The following MED12L variants were observed in gnomAD, a reference collection of about 807,000 sequenced individuals.
The protein encoded by MED12L is mediator complex subunit 12L, also known as mediator of RNA polymerase II transcription subunit 12-like protein.
In MED12L, 60 loss-of-function variants were observed where a neutral mutation model predicts 281.3. The ratio of observed to expected loss-of-function variants is 0.21; its 90% confidence interval spans 0.17 to 0.26. MED12L has a LOEUF of 0.26. Among genes scored for constraint, MED12L ranks in the 10% least tolerant of loss-of-function variants. The probability of loss-of-function intolerance (pLI) is 1.00; values close to 1 mark genes in which losing one functional copy is unlikely to be tolerated. For synonymous variants in MED12L, 974 were observed against 987.2 expected (o/e 0.99, Z 0.25); for missense variants, 2,146 against 2,680.9 (o/e 0.80, Z 4.41).
intron 43 of MED12L, among the ~76,000 whole-genome samples, chr3:151,429,674 C>T (rs1250880140): frequency 6.6e-6 from 1 of 152,140 alleles, no homozygotes. Context: ...TATATTGTGC[C>T]TCTCATCTGA....
intron 5 of MED12L, among the ~76,000 whole-genome samples, chr3:151,131,614 A>C (rs1028310962): frequency 6.6e-6 from 1 of 152,054 alleles, no homozygotes; most frequent in African/African-American, 2.4e-5. Flanking sequence ...CCCTCAAAAA[A>C]CAAACAAACA....
intron 16 of MED12L, among the ~76,000 whole-genome samples, chr3:151,282,348 G>C (rs1742926826): frequency 7.6e-6 from 1 of 132,054 alleles, no homozygotes; most frequent in South Asian, 2.5e-4. Flanking sequence ...ATATAATTTA[G>C]TTTTTTTTTG....
At chr3:151,375,510 A>G (rs1577489325) in intron 27 of MED12L, among the ~76,000 whole-genome samples, 1 of 152,162 alleles carries the variant, frequency 6.6e-6, no homozygotes, top group Admixed American at 6.6e-5. Context: ...AAATTACCCT[A>G]AGAAAATTAT....
intron 16 of MED12L, among the ~76,000 whole-genome samples, chr3:151,275,061 G>A (rs569349800): frequency 1.8e-4 from 27 of 152,282 alleles, no homozygotes; most frequent in South Asian, 1.5e-3. Context: ...CAACAGGTGA[G>A]TTCTTTCCAG....
At chr3:151,103,628 C>CA (rs1721651802) in intron 2 of MED12L, among the ~76,000 whole-genome samples, 1 of 152,160 alleles carries the variant, frequency 6.6e-6, no homozygotes, top group Non-Finnish European at 1.5e-5. Flanking sequence ...ATGGTGATAC[C>CA]ATTTTTAAAG....
At chr3:151,291,350 A>G (rs1744241445) in intron 16 of MED12L, among the ~76,000 whole-genome samples, 1 of 152,102 alleles carries the variant, frequency 6.6e-6, no homozygotes. Context: ...ACAAAATACT[A>G]TTATACAATT....
At chr3:151,216,470 G>A (rs1217264952) in intron 16 of MED12L, among the ~76,000 whole-genome samples, 2 of 152,192 alleles carry the variant, frequency 1.3e-5, no homozygotes. Flanking sequence ...GTACATCCAT[G>A]TAAACTTGTG....
chr3:151,217,537 G>A (rs980270226), intron 16 of MED12L, among the ~76,000 whole-genome samples: 21 of 152,158 alleles, frequency 1.4e-4, no homozygotes, highest in Admixed American at 1.0e-3. Context: ...GCTTACCTGC[G>A]CCCTTTCCCC....
At chr3:151,351,120 T>A (rs1753191707) in intron 17 of MED12L, among the ~76,000 whole-genome samples, 1 of 152,188 alleles carries the variant, frequency 6.6e-6, no homozygotes, top group Non-Finnish European at 1.5e-5. Context: ...ATATACTTTT[T>A]TATGGACTCT....
At chr3:151,116,147 C>G (rs1321323381) in intron 2 of MED12L, among the ~76,000 whole-genome samples, 191 bp from the exon 3 acceptor site, 1 of 150,826 alleles carries the variant, frequency 6.6e-6, no homozygotes, top group Non-Finnish European at 1.5e-5. Context: ...ACATTTGCTT[C>G]ATCCCTCTAC....
At position 151,436,616 on chromosome 3, in the gene MED12L, T is replaced by A; in HGVS notation, c.*3812T>A. 9.7e-7 allele frequency: 1 copy of A among 1,032,688 alleles called. No individual in the cohort carries two copies. Among genetic ancestry groups the A allele is most frequent in the Non-Finnish European group, 1.4e-6 (1 of 694,980 alleles). The allele number at this position is 1,032,688 out of a possible 1,614,324, so 64.0% of individuals were successfully genotyped here. A position where few individuals can be genotyped will look rare whatever the true frequency, so the allele number is the denominator to read the frequency against. ...ATGTATTCAAATTCATTTACATGCC[T>A]ATGGCTGCCTTTGATTAAACTTCTT... On this transcript the variant is annotated 3_prime_UTR_variant, in exon 45 of 45. Transcript: ENST00000687756.
rs1269362119 is a variant in MED12L at position 151,434,363 on chromosome 3, T to C, written c.*1559T>C. On this transcript the variant is annotated 3_prime_UTR_variant, in exon 45 of 45. Coordinates refer to ENST00000687756, the MANE Select transcript of MED12L (RefSeq NM_001393769.1). ...CAAATGACCTCAAATACATGTCAGCTTACTTTGCTGTGGCAACATCCATGT... is the reference window on the plus strand; with the variant it reads ...CAAATGACCTCAAATACATGTCAGCCTACTTTGCTGTGGCAACATCCATGT... The C allele has an allele frequency of 6.6e-6, 1 of 152,232 alleles. No homozygotes were observed. The highest frequency in any genetic ancestry group is 1.5e-5 in the Non-Finnish European group (1 of 68,040). 9.4% of individuals were successfully genotyped at this position (152,232 alleles called of 1,614,324 possible). A position where few individuals can be genotyped will look rare whatever the true frequency, so the allele number is the denominator to read the frequency against.
intron 16 of MED12L, among the ~76,000 whole-genome samples, chr3:151,271,156 T>C (rs2149554283): frequency 1.3e-5 from 2 of 152,282 alleles, no homozygotes; most frequent in South Asian, 4.1e-4. Flanking sequence ...TAAATAATTT[T>C]CATTACTCTA....
intron 23 of MED12L, among the ~76,000 whole-genome samples, chr3:151,366,652 C>T (rs576975393): frequency 2.6e-5 from 4 of 152,110 alleles, no homozygotes; most frequent in Non-Finnish European, 4.4e-5. Context: ...ATCTCTTATG[C>T]ATAGTTCTTT....
At chr3:151,348,340 C>CAAAAAAAAAA (rs11382065) in intron 16 of MED12L, among the ~76,000 whole-genome samples, 2 of 87,804 alleles carry the variant, frequency 2.3e-5, no homozygotes, top group African/African-American at 8.9e-5. Flanking sequence ...ACCACCAGAC[C>CAAAAAAAAAA]AAAAAAAAAA....
At chr3:151,377,472 T>A (rs769389781) in intron 30 of MED12L, among the ~76,000 whole-genome samples, 3 of 152,196 alleles carry the variant, frequency 2.0e-5, no homozygotes, top group African/African-American at 7.2e-5. Flanking sequence ...TGGGAAACGC[T>A]TTTTCCACCA....
intron 16 of MED12L, among the ~76,000 whole-genome samples, chr3:151,217,988 G>A (rs1380341809): frequency 6.6e-6 from 1 of 152,046 alleles, no homozygotes; most frequent in African/African-American, 2.4e-5. Context: ...ATGAAAATCA[G>A]GACAAAATCA....
At chr3:151,289,810 A>G (rs1274255570) in intron 16 of MED12L, among the ~76,000 whole-genome samples, 1 of 152,058 alleles carries the variant, frequency 6.6e-6, no homozygotes, top group Non-Finnish European at 1.5e-5. Context: ...ATTAAATCAG[A>G]TGTATGGTTC....
intron 3 of MED12L, among the ~76,000 whole-genome samples, chr3:151,119,177 G>A (rs1713356627): frequency 6.6e-6 from 1 of 152,150 alleles, no homozygotes; most frequent in African/African-American, 2.4e-5. Flanking sequence ...ATTTCTCATG[G>A]TTATGTATAA....
Sources: gnomAD v4.1 joint callset for allele counts (sites outside exome capture counted in the v4.1 genomes callset) on GRCh38, gnomAD v4.1.1 for gene constraint, MANE v1.5 for transcripts, NCBI Gene and HGNC (gene_info 2026-07-23, HGNC 2026-07-21) for gene names.